The following FNDC3B variants were observed in gnomAD, a reference collection of about 807,000 sequenced individuals.
The protein encoded by FNDC3B is fibronectin type III domain-containing protein 3B.
In FNDC3B, 12 loss-of-function variants were observed where a neutral mutation model predicts 151.5. That is an observed-to-expected ratio of 0.08 (90% CI 0.05 to 0.13). The LOEUF (loss-of-function observed/expected upper bound fraction) is 0.13, where lower values mean the gene tolerates loss of function less well. FNDC3B is among the 10% of genes least tolerant of loss of function. The probability of loss-of-function intolerance (pLI) is 1.00; values close to 1 mark genes in which losing one functional copy is unlikely to be tolerated. For synonymous variants in FNDC3B, 528 were observed against 549.0 expected (o/e 0.96, Z 0.54); for missense variants, 1,214 against 1,505.3 (o/e 0.81, Z 3.20).
intron 1 of FNDC3B, among the ~76,000 whole-genome samples, chr3:172,059,811 G>T (rs144723722): frequency 3.3e-5 from 5 of 152,164 alleles, no homozygotes; most frequent in African/African-American, 1.2e-4. Context: ...ATGGTTTTAT[G>T]TAAGGATGTT....
intron 3 of FNDC3B, among the ~76,000 whole-genome samples, chr3:172,168,982 G>A (rs1340953582): frequency 1.3e-5 from 2 of 151,810 alleles, no homozygotes; most frequent in Non-Finnish European, 2.9e-5. Context: ...CAAAGTGCTG[G>A]GATTACAGGC....
rs11359824 is a variant in FNDC3B, at chr3:172,400,760, CTTT to C, written c.*3298_*3300del. The C allele has an allele frequency of 8.2e-5, 11 of 134,782 alleles. No homozygotes were observed. Among genetic ancestry groups the C allele is most frequent in the Admixed American group, 7.6e-5 (1 of 13,224 alleles). The allele number at this position is 134,782 out of a possible 1,614,324, so 8.3% of individuals were successfully genotyped here. On this transcript the variant is annotated 3_prime_UTR_variant, in exon 26 of 26. Transcript: ENST00000415807. ...TTGTTGTTGTTGTTGTTGTTTCTTT[CTTT>C]TTTTTTTTTTTTGAGACGGAGTCTT...
At chr3:172,336,612 T>C (rs1047390232) in intron 15 of FNDC3B, among the ~76,000 whole-genome samples, 5 of 152,136 alleles carry the variant, frequency 3.3e-5, no homozygotes, top group Non-Finnish European at 5.9e-5. Context: ...CTCAAAAGAA[T>C]CTTGTTGGCC....
chr3:172,047,076 G>A (rs1212934459), intron 1 of FNDC3B: 1 of 152,100 alleles, frequency 6.6e-6, no homozygotes, highest in Non-Finnish European at 1.5e-5. Context: ...TTTTGACCCT[G>A]GAAAGAGTAG....
chr3:172,300,289 T>G (rs1730840660), intron 9 of FNDC3B, among the ~76,000 whole-genome samples: 2 of 152,266 alleles, frequency 1.3e-5, no homozygotes, highest in South Asian at 4.1e-4. Context: ...TATTATTCAT[T>G]GTTAACATAT....
chr3:172,331,293 G>A (rs1732645043), intron 13 of FNDC3B, among the ~76,000 whole-genome samples: 1 of 152,062 alleles, frequency 6.6e-6, no homozygotes, highest in South Asian at 2.1e-4. Context: ...GTGTGATTGG[G>A]CTCTCCATTA....
rs116202964 is a variant in FNDC3B at position 172,112,730 on chromosome 3, T to C, written c.111+140T>C. The stretch of plus-strand genomic sequence containing the variant: ...GAGGTAAGTGTTTTTGTTGTAGAAA[T>C]ACTGTATCGTTTTTTAAAATGTGAT... On this transcript the variant is annotated intron_variant, in intron 2 of 25. Coordinates refer to ENST00000415807, the MANE Select transcript of FNDC3B (RefSeq NM_022763.4). 858 of 656,126 alleles carry C rather than the reference T, an allele frequency of 1.3e-3. 7 individuals carry two copies. The African/African-American group carries it at 0.014, about 10-fold the overall frequency. 40.6% of individuals were successfully genotyped at this position (656,126 alleles called of 1,614,324 possible).
chr3:172,247,887 G>A (rs1727864074), intron 5 of FNDC3B, 111 bp downstream of exon 5: 2 of 1,262,196 alleles, frequency 1.6e-6, no homozygotes, highest in South Asian at 2.8e-5. Context: ...AAAGGATCTA[G>A]GTGGTTTGTA....
rs1386654208 is a variant in FNDC3B at position 172,240,586 on chromosome 3, A to G, written c.265-6947A>G. Reference sequence around the variant, plus strand: ...CTGTATAATTTTCTACATAATGAAAACTTTGATGTACACACCAGTATGAAA... The same window carrying G: ...CTGTATAATTTTCTACATAATGAAAGCTTTGATGTACACACCAGTATGAAA... On this transcript the variant is annotated intron_variant, in intron 4 of 25. Transcript: ENST00000415807. 3.3e-5 allele frequency among the ~76,000 whole-genome samples: 5 copies of G among 152,298 alleles called. No individual in the cohort carries two copies. In the South Asian group the frequency reaches 1.0e-3, roughly 32 times the overall value.
At chr3:172,306,015 A>G (rs537499132) in intron 9 of FNDC3B, among the ~76,000 whole-genome samples, 5 of 152,354 alleles carry the variant, frequency 3.3e-5, no homozygotes, top group African/African-American at 1.2e-4. Context: ...CCCATAAGGC[A>G]AATAGATCAA....
chr3:172,217,840 T>G (rs1159300100), intron 3 of FNDC3B, among the ~76,000 whole-genome samples: 3 of 152,164 alleles, frequency 2.0e-5, no homozygotes, highest in African/African-American at 4.8e-5. Flanking sequence ...AGAGGAATGT[T>G]TGAAAGAAAA....
chr3:172,264,227 G>T (rs946036939), intron 6 of FNDC3B, among the ~76,000 whole-genome samples: 5 of 152,088 alleles, frequency 3.3e-5, no homozygotes, highest in Non-Finnish European at 7.4e-5. Context: ...AACTCCTTGG[G>T]CTCAAGTGAT....
intron 3 of FNDC3B, among the ~76,000 whole-genome samples, chr3:172,142,079 TTC>T (rs1268798037): frequency 6.6e-6 from 1 of 152,172 alleles, no homozygotes; most frequent in Non-Finnish European, 1.5e-5. Flanking sequence ...GAATAGTAAT[TTC>T]TCTCTGGAAG....
intron 1 of FNDC3B, among the ~76,000 whole-genome samples, chr3:172,057,818 G>A (rs2108467289): frequency 6.6e-6 from 1 of 151,232 alleles, no homozygotes; most frequent in East Asian, 1.9e-4. Flanking sequence ...TTTCCTTGCA[G>A]TAGGCAGGAA....
chr3:172,226,041 C>G (rs1726548898), intron 3 of FNDC3B, among the ~76,000 whole-genome samples: 2 of 152,222 alleles, frequency 1.3e-5, no homozygotes, highest in Middle Eastern at 3.4e-3. Context: ...GGCACGGTGG[C>G]TCACAGCTGT....
chr3:172,341,272 A>G (rs1181330411), intron 17 of FNDC3B, 41 bp downstream of exon 17: 1 of 1,397,714 alleles, frequency 7.2e-7, no homozygotes, highest in South Asian at 1.2e-5. Flanking sequence ...TCATTGATCA[A>G]ATTCGGACAA....
chr3:172,332,964 G>C, intron 13 of FNDC3B, 125 bp from the exon 14 acceptor site: 1 of 735,866 alleles, frequency 1.4e-6, no homozygotes, highest in Non-Finnish European at 2.4e-6. Context: ...TTTTGCGGTA[G>C]CTGCCAGACC....
rs758558625 is a variant in FNDC3B at position 172,353,004 on chromosome 3, G to A, written c.2716G>A (p.Asp906Asn). The stretch of plus-strand genomic sequence containing the variant: ...ATCTGAAATCCTTGCTTACACCATT[G>A]ATCTAGGAGACACTAGCATTACCGT... ...NGSEILAYTI[D>N]LGDTSITVGN... Residue 906 changes from aspartate to asparagine, a missense_variant, in exon 22 of 26, where the codon GAT becomes AAT. This residue lies in a region of FNDC3B where 284 missense variants were observed against 392.4 expected (regional missense o/e 0.72). Coordinates refer to ENST00000415807, the MANE Select transcript of FNDC3B (RefSeq NM_022763.4). 1 of 1,614,156 alleles carries A rather than the reference G, an allele frequency of 6.2e-7. No homozygotes were observed. The highest frequency in any genetic ancestry group is 8.5e-7 in the Non-Finnish European group (1 of 1,180,030).
chr3:172,133,658 T>C (rs764315016), intron 3 of FNDC3B, 112 bp downstream of exon 3: 7 of 816,632 alleles, frequency 8.6e-6, no homozygotes, highest in South Asian at 8.1e-5. Context: ...AAGTATATCT[T>C]GGATATTCAT....
Sources: gnomAD v4.1 joint callset for allele counts (sites outside exome capture counted in the v4.1 genomes callset) on GRCh38, gnomAD v4.1.1 for gene constraint, gnomAD v4.1.1 regional missense constraint, MANE v1.5 for transcripts, NCBI Gene and HGNC (gene_info 2026-07-23, HGNC 2026-07-21) for gene names.